The following TMEM94 variants were observed in gnomAD, a reference collection of about 807,000 sequenced individuals.
TMEM94 encodes transmembrane protein 94.
Under a neutral mutation model 158.6 loss-of-function variants are expected in TMEM94, and 81 were observed. The observed-to-expected ratio is 0.51, with a 90% CI of 0.43 to 0.61. The LOEUF (loss-of-function observed/expected upper bound fraction) is 0.61. TMEM94 is among the 20% of genes least tolerant of loss of function. TMEM94 has a pLI of 0.00. For synonymous variants in TMEM94, 751 were observed against 730.7 expected, an observed-to-expected ratio of 1.03 and a Z score of -0.45; for missense variants, 1,435 against 1,762.0, an observed-to-expected ratio of 0.81 and a Z score of 3.32.
chr17:75,465,059 G>A (rs1323454476), intron 1 of TMEM94, among the ~76,000 whole-genome samples: 1 of 152,054 alleles, frequency 6.6e-6, no homozygotes, highest in African/African-American at 2.4e-5. Flanking sequence ...GAGTGTAGTG[G>A]CGTGATCATA....
intron 6 of TMEM94, among the ~76,000 whole-genome samples, chr17:75,488,502 G>A (rs778179941): frequency 5.3e-5 from 8 of 152,084 alleles, no homozygotes; most frequent in Admixed American, 1.3e-4. Flanking sequence ...GGCTGGTTTC[G>A]AACTCCTGAC....
intron 24 of TMEM94, 86 bp downstream of exon 24, chr17:75,496,557 C>T (rs1598436010): frequency 3.4e-5 from 50 of 1,490,088 alleles, no homozygotes; most frequent in South Asian, 2.4e-4. Flanking sequence ...TGTTTGAACC[C>T]GGGGACCTCA....
At chr17:75,476,564 T>C (rs1396871835) in intron 2 of TMEM94, 1 of 1,466,552 alleles carries the variant, frequency 6.8e-7, no homozygotes. Flanking sequence ...GGCTTCTTGC[T>C]CACACACTCT....
rs1319592483 is a variant in TMEM94 at position 75,492,200 on chromosome 17, C to T, written c.1597-274C>T. Reference sequence around the variant, plus strand: ...TGTTCCCTGGCCACAGAAGATCCCTCAACTGTGTCCTCTTTGGTCTGGCCA... The same window carrying T: ...TGTTCCCTGGCCACAGAAGATCCCTTAACTGTGTCCTCTTTGGTCTGGCCA... On this transcript the variant is annotated intron_variant, in intron 14 of 31. Transcript: ENST00000314256. This position sits in a 1 kb window ranked among gnomAD's most constrained non-coding sequence, Gnocchi z 4.4. The T allele has an allele frequency of 7.5e-7, 1 of 1,339,718 alleles. No homozygotes were observed. The highest frequency in any genetic ancestry group is 1.5e-5 in the African/African-American group (1 of 67,800). 83.0% of individuals were successfully genotyped at this position (1,339,718 alleles called of 1,614,324 possible). A position where few individuals can be genotyped will look rare whatever the true frequency, so the allele number is the denominator to read the frequency against.
chr17:75,471,284 GAA>G (rs965538666), intron 1 of TMEM94, among the ~76,000 whole-genome samples: 2 of 150,988 alleles, frequency 1.3e-5, no homozygotes, highest in African/African-American at 4.9e-5. Flanking sequence ...AATGAAGGGT[GAA>G]AGAGAGAAAG....
At chr17:75,462,292 C>T (rs926840396) in intron 1 of TMEM94, among the ~76,000 whole-genome samples, 3 of 151,946 alleles carry the variant, frequency 2.0e-5, no homozygotes, top group Admixed American at 6.5e-5. Context: ...CTGTCAGCCT[C>T]GACCTCCCAA....
intron 18 of TMEM94, among the ~76,000 whole-genome samples, chr17:75,494,131 G>A (rs1459616553): frequency 6.6e-6 from 1 of 152,228 alleles, no homozygotes; most frequent in East Asian, 1.9e-4. Context: ...CACTTGGCCT[G>A]CCTCACTGGT....
chr17:75,459,714 C>G (rs1388126097), intron 1 of TMEM94: 6 of 152,144 alleles, frequency 3.9e-5, no homozygotes, highest in African/African-American at 9.7e-5. Flanking sequence ...CGCCATAAAG[C>G]CTTTAAGTCC....
chr17:75,467,855 C>T (rs556791163), intron 1 of TMEM94, among the ~76,000 whole-genome samples: 1 of 152,192 alleles, frequency 6.6e-6, no homozygotes, highest in Non-Finnish European at 1.5e-5. Flanking sequence ...TTCCACCTTG[C>T]TTTTGAGTCC....
rs763501203 is a variant in TMEM94 at position 75,488,920 on chromosome 17, C to G, written c.764+10C>G. On this transcript the variant is annotated intron_variant, in intron 7 of 31. Coordinates refer to ENST00000314256, the MANE Select transcript of TMEM94 (RefSeq NM_014738.6). ...TGATTGACAACATCAGGTAGGGGTG[C>G]TGCCCCGCCTCCTCCTGTCCCTGGT... 1 of 1,547,592 alleles carries G rather than the reference C, an allele frequency of 6.5e-7. No homozygotes were observed. The highest frequency in any genetic ancestry group is 1.4e-5 in the African/African-American group (1 of 73,110).
At chr17:75,467,844 C>T (rs1213444268) in intron 1 of TMEM94, among the ~76,000 whole-genome samples, 1 of 152,200 alleles carries the variant, frequency 6.6e-6, no homozygotes, top group Non-Finnish European at 1.5e-5. Flanking sequence ...ATTTCTTTTT[C>T]TTCCACCTTG....
At chr17:75,476,849 T>C (rs2050717515) in intron 2 of TMEM94, 1 of 1,483,322 alleles carries the variant, frequency 6.7e-7, no homozygotes, top group African/African-American at 1.4e-5. Context: ...CTGAAGACAA[T>C]GCAAAATGGG....
intron 1 of TMEM94, among the ~76,000 whole-genome samples, chr17:75,464,620 T>TTCC (rs2050226912): frequency 6.7e-5 from 6 of 89,462 alleles, no homozygotes; most frequent in Admixed American, 1.3e-4. Flanking sequence ...CCTTTCTTTC[T>TTCC]TTCCTTCCTT....
In TMEM94 at chr17:75,471,872, AT is replaced by A; in HGVS notation, c.-32del. On this transcript the variant is annotated 5_prime_UTR_variant, in exon 2 of 32. Transcript: ENST00000314256. Reference sequence around the variant, plus strand: ...GAGCCTTCCTTTCAGGGGTGACCACATTCATCTGGGCATGCCTGCAGTACTC... The same window carrying A: ...GAGCCTTCCTTTCAGGGGTGACCACATCATCTGGGCATGCCTGCAGTACTC... 6.2e-7 allele frequency: 1 copy of A among 1,613,664 alleles called. No homozygotes were observed. Among genetic ancestry groups the A allele is most frequent in the Non-Finnish European group, 8.5e-7 (1 of 1,179,698 alleles).
intron 1 of TMEM94, among the ~76,000 whole-genome samples, chr17:75,470,076 A>G (rs2050441999): frequency 6.6e-6 from 1 of 152,138 alleles, no homozygotes; most frequent in Non-Finnish European, 1.5e-5. Context: ...TCCGTCTCAA[A>G]CAAAAAAAGC....
At chr17:75,496,914 G>C (rs916859883) in intron 25 of TMEM94, 107 bp downstream of exon 25, 2 of 1,278,118 alleles carry the variant, frequency 1.6e-6, no homozygotes, top group East Asian at 4.7e-5. Flanking sequence ...ACAGTCAAGG[G>C]GTCCCCCCAG....
intron 1 of TMEM94, among the ~76,000 whole-genome samples, chr17:75,463,120 ATATATACGTG>A (rs1567905051): frequency 2.2e-4 from 1 of 4,492 alleles, no homozygotes; most frequent in African/African-American, 1.8e-3. Context: ...ATATATGTAT[ATATATACGTG>A]TATATATGTA....
chr17:75,494,040 GC>G (rs2052461462), intron 18 of TMEM94, 124 bp downstream of exon 18: 3 of 903,048 alleles, frequency 3.3e-6, no homozygotes, highest in Non-Finnish European at 5.0e-6. Flanking sequence ...AGTGGCCACA[GC>G]CCCAGGCTGG....
intron 2 of TMEM94, among the ~76,000 whole-genome samples, chr17:75,474,759 G>A (rs779906062): frequency 6.6e-6 from 1 of 152,184 alleles, no homozygotes; most frequent in Non-Finnish European, 1.5e-5. Context: ...GTCGTCCCCT[G>A]GCTTAGCTCA....
Sources: gnomAD v4.1 joint callset for allele counts (sites outside exome capture counted in the v4.1 genomes callset) on GRCh38, gnomAD v4.1.1 for gene constraint, Gnocchi (gnomAD v3.1) non-coding constraint, MANE v1.5 for transcripts, NCBI Gene and HGNC (gene_info 2026-07-23, HGNC 2026-07-21) for gene names.